The following RALYL variants were observed in gnomAD, a reference collection of about 807,000 sequenced individuals.
The protein encoded by RALYL is RALY RNA binding protein like, also known as RNA-binding Raly-like protein.
Under a neutral mutation model 35.1 loss-of-function variants are expected in RALYL, and 29 were observed. That is an observed-to-expected ratio of 0.83 (90% CI 0.61 to 1.13). The LOEUF (loss-of-function observed/expected upper bound fraction) is 1.13, where lower values mean the gene tolerates loss of function less well. Among genes scored for constraint, RALYL ranks in the 50% most tolerant of loss-of-function variants. RALYL has a pLI of 0.00. For synonymous variants in RALYL, 120 were observed against 127.6 expected, an observed-to-expected ratio of 0.94 and a Z score of 0.40; for missense variants, 359 against 360.4, an observed-to-expected ratio of 1.00 and a Z score of 0.03.
intron 3 of RALYL, among the ~76,000 whole-genome samples, chr8:84,775,515 C>T (rs182099062): frequency 9.1e-4 from 138 of 152,252 alleles, no homozygotes; most frequent in African/African-American, 3.2e-3. Context: ...ATGTTTCTCT[C>T]ATGACCATTT....
chr8:84,498,739 C>T lies in RALYL; in HGVS notation c.-23-30560C>T, dbSNP rs984339846. ...TAAGAGAAATAAAGTAATGATAACA[C>T]ACTTTTCAACAGATGACTCTTATAT... On this transcript the variant is annotated intron_variant, in intron 1 of 8. Transcript: ENST00000521268. Among the ~76,000 whole-genome samples the T allele has an allele frequency of 5.3e-5, 8 of 152,188 alleles. No individual in the cohort carries two copies. In the South Asian group the frequency reaches 1.7e-3, roughly 32 times the overall value.
chr8:84,321,523 G>A (rs1034764292), intron 1 of RALYL, among the ~76,000 whole-genome samples: 1 of 152,102 alleles, frequency 6.6e-6, no homozygotes, highest in Non-Finnish European at 1.5e-5. Context: ...TTGTTGGTGG[G>A]GAGGTCATTG....
intron 1 of RALYL, among the ~76,000 whole-genome samples, chr8:84,422,397 C>T (rs2045748190): frequency 7.5e-6 from 1 of 132,816 alleles, no homozygotes; most frequent in Non-Finnish European, 1.6e-5. Context: ...TGGTGATATC[C>T]CCTTTATCAT....
At chr8:84,719,664 T>C (rs1268932895) in intron 2 of RALYL, among the ~76,000 whole-genome samples, 1 of 152,142 alleles carries the variant, frequency 6.6e-6, no homozygotes, top group East Asian at 1.9e-4. Context: ...TTATACTTTT[T>C]AAAAATTGAC....
intron 2 of RALYL, among the ~76,000 whole-genome samples, chr8:84,748,338 T>A (rs1809151995): frequency 6.6e-6 from 1 of 152,002 alleles, no homozygotes; most frequent in Non-Finnish European, 1.5e-5. Context: ...TGAGCTTGAA[T>A]GATATTTGGA....
rs114164843 is a variant in RALYL at position 84,445,424 on chromosome 8, G to T, written c.-23-83875G>T. Reference sequence around the variant, plus strand: ...GATATCTAATATATAATTATGAACAGAAGACAACTCGTCTCTTTTTTCATC... The same window carrying T: ...GATATCTAATATATAATTATGAACATAAGACAACTCGTCTCTTTTTTCATC... On this transcript the variant is annotated intron_variant, in intron 1 of 8. Transcript: ENST00000521268. Among the ~76,000 whole-genome samples, 378 of 151,954 alleles carry T rather than the reference G, an allele frequency of 2.5e-3. 1 individual carries two copies. Among genetic ancestry groups the T allele is most frequent in the African/African-American group, 8.5e-3 (353 of 41,514 alleles).
At chr8:84,296,539 C>A (rs1260202117) in intron 1 of RALYL, among the ~76,000 whole-genome samples, 1 of 151,256 alleles carries the variant, frequency 6.6e-6, no homozygotes, top group African/African-American at 2.4e-5. Flanking sequence ...CAGAGCTCTG[C>A]ATGCAAAGAT....
intron 2 of RALYL, among the ~76,000 whole-genome samples, chr8:84,750,644 G>A (rs564045642): frequency 6.6e-5 from 10 of 152,246 alleles, no homozygotes; most frequent in South Asian, 2.1e-4. Context: ...TAATTTATTC[G>A]TAGATTAATG....
chr8:84,307,414 T>C (rs1049974311), intron 1 of RALYL, among the ~76,000 whole-genome samples: 1 of 152,104 alleles, frequency 6.6e-6, no homozygotes, highest in Non-Finnish European at 1.5e-5. Context: ...AACAGAAAAT[T>C]AGAGATTAAA....
At chr8:84,615,570 C>CTTTTTTT (rs60428128) in intron 2 of RALYL, among the ~76,000 whole-genome samples, 305 of 67,280 alleles carry the variant, frequency 4.5e-3, no homozygotes, top group Middle Eastern at 0.023. Flanking sequence ...GAACTTTCGT[C>CTTTTTTT]TTTTTTTTTT....
chr8:84,275,800 A>G (rs1041327395), intron 1 of RALYL, among the ~76,000 whole-genome samples: 5 of 152,158 alleles, frequency 3.3e-5, no homozygotes, highest in Non-Finnish European at 5.9e-5. Flanking sequence ...TGGAAAGATG[A>G]AATAGCCAAT....
chr8:84,856,382 C>T (rs1394925119), intron 5 of RALYL, among the ~76,000 whole-genome samples: 1 of 152,130 alleles, frequency 6.6e-6, no homozygotes. Context: ...AAGCTGTATA[C>T]AAAATGTACA....
chr8:84,603,252 C>T (rs2130773782), intron 2 of RALYL, among the ~76,000 whole-genome samples: 1 of 151,960 alleles, frequency 6.6e-6, no homozygotes, highest in African/African-American at 2.4e-5. Context: ...TTCTTAATTC[C>T]CCCAAAACAT....
At chr8:84,718,205 T>C (rs1276893541) in intron 2 of RALYL, among the ~76,000 whole-genome samples, 2 of 152,188 alleles carry the variant, frequency 1.3e-5, no homozygotes, top group Non-Finnish European at 2.9e-5. Context: ...ACGTATTGAA[T>C]GAAAGCATAT....
intron 8 of RALYL, among the ~76,000 whole-genome samples, chr8:84,901,687 C>T (rs1390697452): frequency 6.6e-6 from 1 of 152,038 alleles, no homozygotes; most frequent in Non-Finnish European, 1.5e-5. Context: ...GGATGTTTTA[C>T]CCTGAAGCCA....
At chr8:84,860,533 A>G (rs1286949200) in intron 5 of RALYL, among the ~76,000 whole-genome samples, 4 of 151,754 alleles carry the variant, frequency 2.6e-5, no homozygotes, top group Non-Finnish European at 5.9e-5. Flanking sequence ...TGTGATTGAA[A>G]TGAGGGGCAG....
At chr8:84,323,996 GA>G (rs1845343370) in intron 1 of RALYL, among the ~76,000 whole-genome samples, 1 of 151,966 alleles carries the variant, frequency 6.6e-6, no homozygotes, top group African/African-American at 2.4e-5. Context: ...ATTATAGTTG[GA>G]TCATGTAATA....
intron 2 of RALYL, among the ~76,000 whole-genome samples, chr8:84,620,784 C>G (rs995403309): frequency 4.5e-4 from 69 of 152,026 alleles, no homozygotes; most frequent in African/African-American, 1.5e-3. Context: ...TGTGGATGTC[C>G]TTTCTGTTTG....
chr8:84,437,827 G>A (rs891481515), intron 1 of RALYL, among the ~76,000 whole-genome samples: 1 of 152,054 alleles, frequency 6.6e-6, no homozygotes, highest in African/African-American at 2.4e-5. Flanking sequence ...CTTTCATCAT[G>A]TGATGTGCTC....
Sources: allele counts gnomAD v4.1 joint callset (sites outside exome capture counted in the v4.1 genomes callset), GRCh38; gene constraint gnomAD v4.1.1; transcripts MANE v1.5; gene names NCBI Gene and HGNC (gene_info 2026-07-23, HGNC 2026-07-21).